PC: variants seen among roughly 807,000 people sequenced by gnomAD.
The protein encoded by PC is pyruvate carboxylase.
PC carries 46 observed loss-of-function variants against 107.8 expected under a neutral mutation model. The observed-to-expected ratio is 0.43, with a 90% confidence interval of 0.34 to 0.55. The LOEUF (loss-of-function observed/expected upper bound fraction) is 0.55, where lower values mean the gene tolerates loss of function less well. PC is among the 20% of genes least tolerant of loss of function. The pLI, the probability that PC is intolerant of heterozygous loss-of-function variation, is 0.04. For synonymous variants in PC, 662 were observed against 684.7 expected, an observed-to-expected ratio of 0.97 and a Z score of 0.52; for missense variants, 1,241 against 1,643.1, an observed-to-expected ratio of 0.76 and a Z score of 4.23.
At chr11:66,879,956 T>C (rs1337747421) in intron 3 of PC, among the ~76,000 whole-genome samples, 2 of 152,104 alleles carry the variant, frequency 1.3e-5, no homozygotes, top group Non-Finnish European at 2.9e-5. Flanking sequence ...CCTTAGAACC[T>C]AGTTATGGCC....
At chr11:66,887,534 G>C (rs1051226949) in intron 3 of PC, among the ~76,000 whole-genome samples, 2 of 152,170 alleles carry the variant, frequency 1.3e-5, no homozygotes, top group African/African-American at 4.8e-5. Context: ...ATAATAAATA[G>C]AGAATTAGAA....
chr11:66,915,479 G>T (rs1324125226), intron 3 of PC, among the ~76,000 whole-genome samples: 1 of 152,224 alleles, frequency 6.6e-6, no homozygotes, highest in African/African-American at 2.4e-5. Context: ...GAAGCATGCG[G>T]CCTAGAACAC....
At chr11:66,889,784 G>A (rs974275135) in intron 3 of PC, among the ~76,000 whole-genome samples, 3 of 152,008 alleles carry the variant, frequency 2.0e-5, no homozygotes, top group African/African-American at 7.3e-5. Flanking sequence ...ACCATTCCGG[G>A]TCCTTTTCTC....
chr11:66,857,894 A>C lies in PC; in HGVS notation c.1369-4511T>G. 1 of 1,611,878 alleles carries C rather than the reference A, an allele frequency of 6.2e-7. No individual in the cohort carries two copies. The highest frequency in any genetic ancestry group is 8.5e-7 in the Non-Finnish European group (1 of 1,179,902). On this transcript the variant is annotated intron_variant, in intron 12 of 22. Coordinates refer to ENST00000393960, the MANE Select transcript of PC (RefSeq NM_001040716.2). The surrounding 1 kb of genome is among the most constrained non-coding windows in gnomAD (Gnocchi z 7.1). ...TGCCGCCCAACGTGGACCGGCGCAC[A>C]GTGGAGCTGCGGCTGGCTGACAACT...
chr11:66,850,223 G>A lies in PC; in HGVS notation c.2715C>T (p.Ile905=), dbSNP rs776140038. The A allele has an allele frequency of 1.9e-6, 3 of 1,614,036 alleles. No individual in the cohort carries two copies. The highest frequency in any genetic ancestry group is 2.5e-6 in the Non-Finnish European group (3 of 1,180,030). Residue 905 remains isoleucine (I), a synonymous_variant, in exon 19 of 23, where the codon ATC becomes ATT. Coordinates refer to ENST00000393960, the MANE Select transcript of PC (RefSeq NM_001040716.2). ...AGGAGCACCGGGCCGGGCTCACCTT[G>A]ATGAGATCGCCCAGCATCTGGTTGG... ...VEANQMLGDL[I]KVTPSSKIVG...
At chr11:66,946,746 A>C (rs564670751) in intron 3 of PC, among the ~76,000 whole-genome samples, 13 of 152,224 alleles carry the variant, frequency 8.5e-5, no homozygotes, top group South Asian at 6.2e-4. Context: ...CCACGATCGC[A>C]TCAGTGCAAG....
In PC at chr11:66,897,098, A is replaced by AT. The variant is rs1947787912; in HGVS notation, c.1-24940dup. ...AGGCGCGCACCACCATGCCTGGCTG[A>AT]TTTTTTTGTATTTTTAGTAGAGATG... On this transcript the variant is annotated intron_variant, in intron 3 of 22. Coordinates refer to ENST00000393960, the MANE Select transcript of PC (RefSeq NM_001040716.2). Among the ~76,000 whole-genome samples the AT allele has an allele frequency of 2.0e-5, 3 of 151,918 alleles. No individual in the cohort carries two copies. The South Asian group carries it at 6.3e-4, about 32-fold the overall frequency.
intron 3 of PC, among the ~76,000 whole-genome samples, chr11:66,909,617 G>A (rs917525489): frequency 1.3e-5 from 2 of 152,156 alleles, no homozygotes; most frequent in African/African-American, 2.4e-5. Flanking sequence ...GAGCCGGAGC[G>A]GACAAGAAGA....
Position 66,871,552 on chromosome 11 carries a change from G to C in PC, c.322-72C>G, listed in dbSNP as rs1425171931. On this transcript the variant is annotated intron_variant, in intron 5 of 22. Transcript: ENST00000393960. This position sits in a 1 kb window ranked among gnomAD's most constrained non-coding sequence, Gnocchi z 7.4. ...AAGGCCTCGGCCAGCCTCTTCCCCT[G>C]CCTAACCTGCTGAGCTGCATCCGTT... The C allele has an allele frequency of 6.3e-7, 1 of 1,598,138 alleles. No individual in the cohort carries two copies. Among genetic ancestry groups the C allele is most frequent in the Non-Finnish European group, 8.6e-7 (1 of 1,167,238 alleles).
chr11:66,882,141 A>G (rs7119426), intron 3 of PC, among the ~76,000 whole-genome samples: 37,305 of 152,122 alleles, frequency 0.25, 4,646 homozygotes, highest in Middle Eastern at 0.33. Flanking sequence ...CTGAAATCCC[A>G]CTACTTCAGA....
At chr11:66,899,677 T>G (rs1310859540) in intron 3 of PC, among the ~76,000 whole-genome samples, 3 of 152,238 alleles carry the variant, frequency 2.0e-5, no homozygotes, top group Non-Finnish European at 4.4e-5. Flanking sequence ...CCTTGTTACA[T>G]AGATGATTTC....
chr11:66,916,577 A>G (rs145974449), intron 3 of PC, among the ~76,000 whole-genome samples: 302 of 152,346 alleles, frequency 2.0e-3, no homozygotes, highest in African/African-American at 6.6e-3. Context: ...CAGAGCAGTG[A>G]TCCAAGAAGG....
chr11:66,914,338 C>A (rs1948415748), intron 3 of PC, among the ~76,000 whole-genome samples: 1 of 151,716 alleles, frequency 6.6e-6, no homozygotes, highest in African/African-American at 2.4e-5. Context: ...ATGGTGAAAC[C>A]CCGTCTCTAC....
At chr11:66,856,101 C>T (rs1035486751) in intron 12 of PC, among the ~76,000 whole-genome samples, 1 of 152,242 alleles carries the variant, frequency 6.6e-6, no homozygotes, top group South Asian at 2.1e-4. Context: ...GCCGAGCCAC[C>T]GAAGCCCCAG....
intron 3 of PC, among the ~76,000 whole-genome samples, chr11:66,898,619 G>A (rs1176276438): frequency 1.3e-5 from 2 of 152,166 alleles, no homozygotes; most frequent in African/African-American, 4.8e-5. Flanking sequence ...GGTGGAGGTC[G>A]CAGTAAGCCG....
At chr11:66,923,877 C>T (rs1267083648) in intron 3 of PC, among the ~76,000 whole-genome samples, 1 of 94,898 alleles carries the variant, frequency 1.1e-5, no homozygotes, top group African/African-American at 4.0e-5. Context: ...GTCACAAGAC[C>T]TCAAGGCAAA....
chr11:66,889,920 G>GT (rs912646022), intron 3 of PC, among the ~76,000 whole-genome samples: 1 of 145,128 alleles, frequency 6.9e-6, no homozygotes, highest in Non-Finnish European at 1.5e-5. Context: ...ATTTTAACTT[G>GT]TTTTACCCAA....
At chr11:66,850,619 T>A (rs1319023279) in intron 18 of PC, 55 bp downstream of exon 18, 1 of 1,601,990 alleles carries the variant, frequency 6.2e-7, no homozygotes, top group African/African-American at 1.3e-5. Flanking sequence ...CTACTGGGAC[T>A]GGTGGTGGCT....
In PC at chr11:66,852,864, G is replaced by A. The variant is rs1244384494; in HGVS notation, c.1514-28C>T. ...GGGGAGAAAGCGGGCAGTGGGTCAGGGTGGGCTGGGCAGAGGCTGAGTCGA... is the reference window on the plus strand; with the variant it reads ...GGGGAGAAAGCGGGCAGTGGGTCAGAGTGGGCTGGGCAGAGGCTGAGTCGA... On this transcript the variant is annotated intron_variant, in intron 13 of 22. Transcript: ENST00000393960. This position sits in a 1 kb window ranked among gnomAD's most constrained non-coding sequence, Gnocchi z 4.7. The A allele has an allele frequency of 6.6e-7, 1 of 1,512,828 alleles. No homozygotes were observed. The highest frequency in any genetic ancestry group is 1.8e-5 in the Admixed American group (1 of 54,218). 93.7% of individuals were successfully genotyped at this position (1,512,828 alleles called of 1,614,324 possible).
Sources: gnomAD v4.1 joint callset for allele counts (sites outside exome capture counted in the v4.1 genomes callset) on GRCh38, gnomAD v4.1.1 for gene constraint, Gnocchi (gnomAD v3.1) non-coding constraint, MANE v1.5 for transcripts, NCBI Gene and HGNC (gene_info 2026-07-23, HGNC 2026-07-21) for gene names.